The following LRGUK variants were observed in gnomAD, a reference collection of about 807,000 sequenced individuals.
LRGUK encodes leucine-rich repeat and guanylate kinase domain-containing protein.
In LRGUK, 65 loss-of-function variants were observed where a neutral mutation model predicts 76.0. That is an observed-to-expected ratio of 0.85 (90% CI 0.70 to 1.05). The LOEUF (loss-of-function observed/expected upper bound fraction) is 1.05, where lower values mean the gene tolerates loss of function less well. Among genes scored for constraint, LRGUK ranks in the 50% least tolerant of loss-of-function variants. The pLI, the probability that LRGUK is intolerant of heterozygous loss-of-function variation, is 0.00. For synonymous variants in LRGUK, 268 were observed against 265.6 expected, an observed-to-expected ratio of 1.01 and a Z score of -0.09; for missense variants, 758 against 732.8, an observed-to-expected ratio of 1.03 and a Z score of -0.40.
chr7:134,270,473 C>T, the LRGUK span, among the ~76,000 whole-genome samples: 1 of 152,002 alleles, frequency 6.6e-6, no homozygotes, highest in South Asian at 2.1e-4. Context: ...CATTTTGTAT[C>T]CTTTCTAATT....
At chr7:134,212,316 T>G (rs2117132251), downstream of LRGUK, among the ~76,000 whole-genome samples, 1 of 152,322 alleles carries the variant, frequency 6.6e-6, no homozygotes, top group East Asian at 1.9e-4. Flanking sequence ...AACGGACAAC[T>G]CAAGATGTGA....
At chr7:134,134,479 A>G (rs139044296) in intron 1 of LRGUK, among the ~76,000 whole-genome samples, 1 of 152,326 alleles carries the variant, frequency 6.6e-6, no homozygotes, top group East Asian at 1.9e-4. Context: ...GAGACATGAT[A>G]CTGCCAAATG....
intron 15 of LRGUK, among the ~76,000 whole-genome samples, chr7:134,205,827 T>G (rs1800980981): frequency 6.6e-6 from 1 of 152,338 alleles, no homozygotes; most frequent in South Asian, 2.1e-4. Flanking sequence ...CTGAGGTTTT[T>G]CCCAATTGGA....
chr7:134,153,485 T>G (rs528642390), intron 5 of LRGUK, among the ~76,000 whole-genome samples: 1 of 152,272 alleles, frequency 6.6e-6, no homozygotes, highest in South Asian at 2.1e-4. Flanking sequence ...TTTTTAGAAT[T>G]TATTTTATGA....
At chr7:134,172,988 A>AAAATAAAT (rs536753268) in intron 7 of LRGUK, among the ~76,000 whole-genome samples, 119 of 152,230 alleles carry the variant, frequency 7.8e-4, no homozygotes, top group African/African-American at 2.7e-3. Flanking sequence ...ACCCATCTCA[A>AAAATAAAT]AAATAAATAA....
chr7:134,131,422 A>G (rs1385606631), intron 1 of LRGUK, among the ~76,000 whole-genome samples: 3 of 152,266 alleles, frequency 2.0e-5, no homozygotes, highest in South Asian at 4.1e-4. Context: ...TATGTCTTAC[A>G]GAGATGAGTA....
chr7:134,167,446 G>A (rs1048435070), intron 7 of LRGUK, among the ~76,000 whole-genome samples: 2 of 152,192 alleles, frequency 1.3e-5, no homozygotes, highest in Non-Finnish European at 2.9e-5. Flanking sequence ...CATGGTGATG[G>A]GGTCAGCAGG....
intron 16 of LRGUK, among the ~76,000 whole-genome samples, chr7:134,235,189 G>T (rs1048487845): frequency 1.3e-5 from 2 of 152,168 alleles, no homozygotes; most frequent in African/African-American, 4.8e-5. Flanking sequence ...CTTCCATGTT[G>T]CTCAGTGTCT....
chr7:134,234,015 G>A (rs903750867), intron 16 of LRGUK, among the ~76,000 whole-genome samples: 6 of 152,092 alleles, frequency 3.9e-5, no homozygotes, highest in Non-Finnish European at 7.4e-5. Flanking sequence ...GTTAATGTTC[G>A]TGTATTTTAT....
At chr7:134,213,866 A>G (rs191613878), downstream of LRGUK, among the ~76,000 whole-genome samples, 7 of 152,298 alleles carry the variant, frequency 4.6e-5, no homozygotes, top group Admixed American at 4.6e-4. Flanking sequence ...AAAAATTGCC[A>G]TTTTCCATCT....
chr7:134,249,083 T>G lies in LRGUK; in HGVS notation c.2198+7T>G. On this transcript the variant is annotated splice_region_variant and intron_variant, in intron 18 of 19. Coordinates refer to the LRGUK transcript ENST00000285928. ...GACCATATCCTGAAAAGAGGTGAGTTGAGGTGTTTTGTTGGATGGAATTGG... is the reference window on the plus strand; with the variant it reads ...GACCATATCCTGAAAAGAGGTGAGTGGAGGTGTTTTGTTGGATGGAATTGG... The G allele has an allele frequency of 6.4e-7, 1 of 1,563,418 alleles. No homozygotes were observed. The highest frequency in any genetic ancestry group is 2.3e-5 in the East Asian group (1 of 43,968).
At chr7:134,165,890 A>G (rs1798958774) in intron 7 of LRGUK, among the ~76,000 whole-genome samples, 1 of 152,216 alleles carries the variant, frequency 6.6e-6, no homozygotes, top group Non-Finnish European at 1.5e-5. Context: ...GAGGAGTATC[A>G]TCACGTGAAG....
intron 13 of LRGUK, among the ~76,000 whole-genome samples, chr7:134,198,674 C>T (rs775705900): frequency 3.3e-5 from 5 of 152,164 alleles, no homozygotes; most frequent in Non-Finnish European, 7.4e-5. Context: ...CCTCCAGACT[C>T]ACAGACCAGT....
chr7:134,234,114 A>G (rs1236497555), intron 16 of LRGUK, among the ~76,000 whole-genome samples: 1 of 152,104 alleles, frequency 6.6e-6, no homozygotes, highest in Non-Finnish European at 1.5e-5. Context: ...TTCATTTTCA[A>G]TATGTCTTTT....
Position 134,139,522 on chromosome 7 carries a change from G to A in LRGUK, c.487+5G>A. The A allele has an allele frequency of 6.4e-7, 1 of 1,574,772 alleles. No individual in the cohort carries two copies. Among genetic ancestry groups the A allele is most frequent in the Non-Finnish European group, 8.7e-7 (1 of 1,145,660 alleles). Reference sequence around the variant, plus strand: ...TTTCAGCGAATAAAATTGAAGGTATGTAATTGTCATTCTAGATTGATCACT... The same window carrying A: ...TTTCAGCGAATAAAATTGAAGGTATATAATTGTCATTCTAGATTGATCACT... On this transcript the variant is annotated splice_donor_5th_base_variant and intron_variant, in intron 3 of 15. Coordinates refer to ENST00000645682, the Ensembl canonical transcript of LRGUK.
At chr7:134,269,560 G>C (rs976953740), downstream of LRGUK, among the ~76,000 whole-genome samples, 2 of 151,684 alleles carry the variant, frequency 1.3e-5, no homozygotes, top group South Asian at 4.2e-4. Flanking sequence ...ATGTTGTCCA[G>C]GTTGGTCTTA....
intron 6 of LRGUK, among the ~76,000 whole-genome samples, chr7:134,161,035 A>G (rs567628529): frequency 3.5e-4 from 54 of 152,222 alleles, no homozygotes; most frequent in Non-Finnish European, 7.1e-4. Flanking sequence ...AAACTTGTCT[A>G]TGCCTCACTA....
At chr7:134,187,498 C>T (rs981732704) in intron 11 of LRGUK, among the ~76,000 whole-genome samples, 3 of 152,222 alleles carry the variant, frequency 2.0e-5, no homozygotes, top group East Asian at 3.9e-4. Flanking sequence ...GTTGCATATC[C>T]AGATATATAA....
intron 2 of LRGUK, among the ~76,000 whole-genome samples, chr7:134,137,598 A>G (rs1188376764): frequency 4.1e-5 from 1 of 24,628 alleles, no homozygotes; most frequent in African/African-American, 1.2e-4. Context: ...AAAGATACCT[A>G]TCATTAAAGA....
Sources: allele counts gnomAD v4.1 joint callset (sites outside exome capture counted in the v4.1 genomes callset), GRCh38; gene constraint gnomAD v4.1.1; transcripts MANE v1.5; gene names NCBI Gene and HGNC (gene_info 2026-07-23, HGNC 2026-07-21).